RPH3A: variants seen among roughly 807,000 people sequenced by gnomAD.
RPH3A encodes rabphilin-3A.
In RPH3A, 48 loss-of-function variants were observed where a neutral mutation model predicts 102.2. The observed-to-expected ratio is 0.47, with a 90% CI of 0.37 to 0.60. The LOEUF (loss-of-function observed/expected upper bound fraction) is 0.60, where lower values mean the gene tolerates loss of function less well. Among genes scored for constraint, RPH3A ranks in the 20% least tolerant of loss-of-function variants. The pLI, the probability that RPH3A is intolerant of heterozygous loss-of-function variation, is 0.00. For synonymous variants in RPH3A, 310 were observed against 324.3 expected (o/e 0.96, Z 0.47); for missense variants, 781 against 910.1 (o/e 0.86, Z 1.83).
intron 4 of RPH3A, among the ~76,000 whole-genome samples, chr12:112,845,717 G>C (rs968805572): frequency 6.6e-6 from 1 of 152,200 alleles, no homozygotes; most frequent in Non-Finnish European, 1.5e-5. Flanking sequence ...GTCAGAGAAT[G>C]ATCTAAATGC....
chr12:112,857,950 G>A (rs531209041), intron 5 of RPH3A, among the ~76,000 whole-genome samples: 4 of 152,194 alleles, frequency 2.6e-5, no homozygotes, highest in Admixed American at 6.5e-5. Flanking sequence ...GCCTCCCAAG[G>A]GCTCCATTCA....
chr12:112,619,522 A>T (rs188472638), intron 1 of RPH3A, among the ~76,000 whole-genome samples: 66 of 152,196 alleles, frequency 4.3e-4, no homozygotes, highest in Non-Finnish European at 8.2e-4. Context: ...ACCTCAAGTG[A>T]TCTGCCCACC....
At chr12:112,723,848 T>C (rs978734559) in intron 1 of RPH3A, among the ~76,000 whole-genome samples, 4 of 152,196 alleles carry the variant, frequency 2.6e-5, no homozygotes, top group Admixed American at 1.3e-4. Flanking sequence ...GCAGTTATGG[T>C]TTAATATTGC....
chr12:112,797,739 G>T (rs1318966201), intron 2 of RPH3A, among the ~76,000 whole-genome samples: 5 of 151,896 alleles, frequency 3.3e-5, no homozygotes, highest in African/African-American at 9.7e-5. Flanking sequence ...ACCCAGGCTG[G>T]AGTGCAGTGG....
At chr12:112,852,078 C>G (rs1340736655) in intron 5 of RPH3A, among the ~76,000 whole-genome samples, 3 of 152,208 alleles carry the variant, frequency 2.0e-5, no homozygotes, top group Non-Finnish European at 4.4e-5. Flanking sequence ...GGTTTGCTCA[C>G]TCAGCTGCAT....
At chr12:112,820,946 C>T (rs990529538) in intron 2 of RPH3A, among the ~76,000 whole-genome samples, 7 of 152,238 alleles carry the variant, frequency 4.6e-5, no homozygotes, top group African/African-American at 1.4e-4. Context: ...CTGTCTCTGT[C>T]ATTGTCTCTG....
At chr12:112,601,379 T>C (rs976102364) in intron 1 of RPH3A, among the ~76,000 whole-genome samples, 2 of 152,330 alleles carry the variant, frequency 1.3e-5, no homozygotes, top group Non-Finnish European at 1.5e-5. Context: ...TTTCCTTTTA[T>C]AATCTTTTGC....
chr12:112,618,868 C>T (rs2039700548), intron 1 of RPH3A, among the ~76,000 whole-genome samples: 1 of 152,154 alleles, frequency 6.6e-6, no homozygotes, highest in South Asian at 2.1e-4. Flanking sequence ...CTTGCCCTTC[C>T]CTTGGTCCCT....
At chr12:112,812,008 C>A (rs953122452) in intron 2 of RPH3A, among the ~76,000 whole-genome samples, 1 of 151,584 alleles carries the variant, frequency 6.6e-6, no homozygotes, top group African/African-American at 2.4e-5. Context: ...CCTGGTAGAA[C>A]CCACCAAGTC....
intron 1 of RPH3A, among the ~76,000 whole-genome samples, chr12:112,778,838 C>T (rs1007060053): frequency 3.3e-5 from 5 of 152,180 alleles, no homozygotes; most frequent in African/African-American, 9.7e-5. Context: ...TTGCATTGAG[C>T]CACATGCACT....
At chr12:112,856,264 G>A (rs1207168500) in intron 5 of RPH3A, among the ~76,000 whole-genome samples, 3 of 152,180 alleles carry the variant, frequency 2.0e-5, no homozygotes, top group African/African-American at 4.8e-5. Flanking sequence ...CAGCAGTACG[G>A]GAAAGGTCAA....
chr12:112,634,515 C>G (rs531564511), intron 1 of RPH3A, among the ~76,000 whole-genome samples: 5 of 145,418 alleles, frequency 3.4e-5, no homozygotes, highest in Non-Finnish European at 6.0e-5. Flanking sequence ...GAAATTGCAC[C>G]ACTGCACTCA....
chr12:112,616,049 C>T (rs1033931211), intron 1 of RPH3A, among the ~76,000 whole-genome samples: 2 of 152,170 alleles, frequency 1.3e-5, no homozygotes, highest in Admixed American at 1.3e-4. Flanking sequence ...CTTCTCTGGG[C>T]TTCTTTTCTC....
chr12:112,714,019 A>C (rs2891404), intron 1 of RPH3A, among the ~76,000 whole-genome samples: 61,114 of 151,812 alleles, frequency 0.4, 12,743 homozygotes, highest in South Asian at 0.57. Context: ...ATAGGAGGGT[A>C]CCCCCTCATG....
At chr12:112,856,925 C>T (rs1427867101) in intron 5 of RPH3A, among the ~76,000 whole-genome samples, 1 of 152,114 alleles carries the variant, frequency 6.6e-6, no homozygotes, top group African/African-American at 2.4e-5. Context: ...CCTGGGGTCA[C>T]AGAGCTGGGA....
rs562706028 is a variant in RPH3A at position 112,690,945 on chromosome 12, T to A, written c.-139-101198T>A. On this transcript the variant is annotated intron_variant, in intron 1 of 21. Coordinates refer to the RPH3A transcript ENST00000543106. ...GGTAATTGTACTTATCCTATATAAA[T>A]CTACACATTCTGACAAAATGGGCTC... Among the ~76,000 whole-genome samples, 38 of 152,224 alleles carry A rather than the reference T, an allele frequency of 2.5e-4. No individual in the cohort carries two copies. The South Asian group carries it at 7.7e-3, about 31-fold the overall frequency.
At chr12:112,680,818 A>G (rs539537168) in intron 1 of RPH3A, among the ~76,000 whole-genome samples, 1 of 152,206 alleles carries the variant, frequency 6.6e-6, no homozygotes, top group East Asian at 1.9e-4. Flanking sequence ...AGCATCCTGC[A>G]CCATCATTTT....
intron 16 of RPH3A, among the ~76,000 whole-genome samples, chr12:112,886,843 A>G (rs923316732): frequency 2.0e-5 from 3 of 152,260 alleles, no homozygotes; most frequent in African/African-American, 7.2e-5. Context: ...GAAAAATTAA[A>G]TGAGAAAAGT....
chr12:112,732,546 G>A (rs181949062), intron 1 of RPH3A, among the ~76,000 whole-genome samples: 51 of 152,312 alleles, frequency 3.3e-4, no homozygotes, highest in African/African-American at 1.2e-3. Flanking sequence ...GGAGATGAAC[G>A]TGCAGGATGT....
Sources: gnomAD v4.1 joint callset for allele counts (sites outside exome capture counted in the v4.1 genomes callset) on GRCh38, gnomAD v4.1.1 for gene constraint, MANE v1.5 for transcripts, NCBI Gene and HGNC (gene_info 2026-07-23, HGNC 2026-07-21) for gene names.